EFL1: variants seen among roughly 807,000 people sequenced by gnomAD.
EFL1 encodes the protein elongation factor like GTPase 1.
Under a neutral mutation model 126.7 loss-of-function variants are expected in EFL1, and 76 were observed. The observed-to-expected ratio is 0.60, with a 90% CI of 0.50 to 0.73. The LOEUF (loss-of-function observed/expected upper bound fraction) is 0.73. Among genes scored for constraint, EFL1 ranks in the 30% least tolerant of loss-of-function variants. EFL1 has a pLI of 0.00. For missense variants in EFL1, 1,128 were observed against 1,343.2 expected, an observed-to-expected ratio of 0.84 and a Z score of 2.50; for synonymous variants, 410 against 448.4, an observed-to-expected ratio of 0.91 and a Z score of 1.08.
chr15:82,180,373 CAA>C (rs200867541), intron 15 of EFL1, among the ~76,000 whole-genome samples: 7 of 94,026 alleles, frequency 7.4e-5, no homozygotes, highest in Admixed American at 1.1e-4. Context: ...AAAAAAAAAA[CAA>C]AAAAAAAACA....
chr15:82,202,523 T>C (rs931788151), intron 15 of EFL1, among the ~76,000 whole-genome samples: 1 of 152,180 alleles, frequency 6.6e-6, no homozygotes, highest in African/African-American at 2.4e-5. Flanking sequence ...TGAAATGAAA[T>C]AATGTGCATC....
In EFL1 at chr15:82,225,224, A is replaced by G. The variant is rs2651721; in HGVS notation, c.1233T>C (p.Ile411=). ...CTGCAAACATTTTGGAAACAAATAT[A>G]ATAACTGGAGCAGTGTCCTCACTTC... The part of the protein sequence containing the change: ...KCGSEDTAPV[I]IFVSKMFAVD... The change falls in exon 12 of 20, where the codon ATT becomes ATC. Residue 411 remains isoleucine, a synonymous_variant. Coordinates refer to ENST00000268206, the MANE Select transcript of EFL1 (RefSeq NM_024580.6). 6 of 1,612,974 alleles carry G rather than the reference A, an allele frequency of 3.7e-6. No homozygotes were observed. In the East Asian group the frequency reaches 1.3e-4, roughly 36 times the overall value.
At chr15:82,192,511 G>A (rs575515709) in intron 15 of EFL1, among the ~76,000 whole-genome samples, 1 of 152,210 alleles carries the variant, frequency 6.6e-6, no homozygotes, top group Admixed American at 6.5e-5. Flanking sequence ...AGATTTAGCA[G>A]TGACAAAAAT....
At chr15:82,180,214 T>C (rs2074235214) in intron 15 of EFL1, among the ~76,000 whole-genome samples, 1 of 152,138 alleles carries the variant, frequency 6.6e-6, no homozygotes, top group Non-Finnish European at 1.5e-5. Context: ...CTACTCACTA[T>C]GGCCTTACTG....
At chr15:82,238,881 C>T (rs1444766307) in intron 6 of EFL1, among the ~76,000 whole-genome samples, 1 of 152,144 alleles carries the variant, frequency 6.6e-6, no homozygotes, top group African/African-American at 2.4e-5. Context: ...AGTCCACTGC[C>T]TTGCCCATCT....
Position 82,152,337 on chromosome 15 carries a change from T to C in EFL1, c.2117A>G (p.Asn706Ser), listed in dbSNP as rs778908909. 45 of 1,613,928 alleles carry C rather than the reference T, an allele frequency of 2.8e-5. No homozygotes were observed. The highest frequency in any genetic ancestry group is 6.6e-5 in the South Asian group (6 of 91,092). ...ITKPPKVDMV[N>S]EEIGKQQKVA... ...TTTTTGCTGTTTGCCTATTTCTTCA[T>C]TGACCATGTCAACTTTTGGGGGTTT... The change falls in exon 18 of 20, where the codon AAT becomes AGT. Residue 706 changes from asparagine (N) to serine (S), a missense_variant. Physicochemically the swap from Asn to Ser is conservative, Grantham distance 46 (BLOSUM62 1). Transcript: ENST00000268206.
At chr15:82,209,983 T>C (rs1166554476) in intron 15 of EFL1, among the ~76,000 whole-genome samples, 1 of 152,244 alleles carries the variant, frequency 6.6e-6, no homozygotes, top group Admixed American at 6.5e-5. Flanking sequence ...CTCCGTATCA[T>C]TTATGATGAA....
At chr15:82,261,399 T>G (rs1047298370) in intron 2 of EFL1, among the ~76,000 whole-genome samples, 1 of 152,244 alleles carries the variant, frequency 6.6e-6, no homozygotes, top group Non-Finnish European at 1.5e-5. Flanking sequence ...ATGTCAAGAC[T>G]ACAGACATTT....
At chr15:82,236,518 A>G (rs1342808950) in intron 7 of EFL1, among the ~76,000 whole-genome samples, 1 of 152,226 alleles carries the variant, frequency 6.6e-6, no homozygotes, top group South Asian at 2.1e-4. Context: ...GACCCACACA[A>G]GTATGTCCAA....
intron 15 of EFL1, among the ~76,000 whole-genome samples, chr15:82,183,960 T>TCCC (rs1297134932): frequency 2.0e-5 from 3 of 152,204 alleles, no homozygotes; most frequent in Non-Finnish European, 2.9e-5. Context: ...GGTCATGCCT[T>TCCC]CATGCCTGTG....
intron 2 of EFL1, among the ~76,000 whole-genome samples, chr15:82,261,414 T>C (rs190011167): frequency 5.9e-5 from 9 of 152,362 alleles, no homozygotes; most frequent in Admixed American, 1.3e-4. Flanking sequence ...ACATTTTATA[T>C]GTAAAGCCAT....
intron 15 of EFL1, among the ~76,000 whole-genome samples, chr15:82,186,801 A>G (rs2074308309): frequency 1.3e-5 from 2 of 152,040 alleles, no homozygotes; most frequent in South Asian, 4.1e-4. Flanking sequence ...ATCTGTTTCT[A>G]GTCTAGAACC....
chr15:82,147,220 A>G (rs142976184), intron 18 of EFL1, among the ~76,000 whole-genome samples: 36 of 152,298 alleles, frequency 2.4e-4, no homozygotes, highest in African/African-American at 8.2e-4. Context: ...ATAATGTAGA[A>G]GAGATGGCAA....
intron 15 of EFL1, among the ~76,000 whole-genome samples, chr15:82,208,753 A>C (rs1251637722): frequency 6.6e-6 from 1 of 152,112 alleles, no homozygotes; most frequent in East Asian, 1.9e-4. Context: ...AGATGCTAAG[A>C]ATGCATCAAT....
chr15:82,187,283 G>A (rs964701902), intron 15 of EFL1, among the ~76,000 whole-genome samples: 2 of 152,170 alleles, frequency 1.3e-5, no homozygotes, highest in African/African-American at 2.4e-5. Context: ...TAAAATAGGC[G>A]TAATTTATCC....
chr15:82,156,796 C>A (rs948205379), intron 17 of EFL1, among the ~76,000 whole-genome samples: 1 of 152,002 alleles, frequency 6.6e-6, no homozygotes, highest in Non-Finnish European at 1.5e-5. Context: ...GAAGGAAGGC[C>A]ATTACAGGGC....
chr15:82,255,839 C>G (rs962704864), intron 3 of EFL1, among the ~76,000 whole-genome samples: 5 of 152,206 alleles, frequency 3.3e-5, no homozygotes, highest in African/African-American at 1.2e-4. Flanking sequence ...AACACATCAA[C>G]ACATTGATAA....
intron 15 of EFL1, among the ~76,000 whole-genome samples, chr15:82,177,473 C>A (rs1216045800): frequency 6.6e-6 from 1 of 152,192 alleles, no homozygotes; most frequent in East Asian, 1.9e-4. Context: ...CTGGCCAGGT[C>A]TGTCCTCAAC....
At chr15:82,241,912 T>C (rs2074935017) in intron 4 of EFL1, among the ~76,000 whole-genome samples, 2 of 152,216 alleles carry the variant, frequency 1.3e-5, no homozygotes. Flanking sequence ...CTACAAAAAC[T>C]TAAGGAGCAG....
Sources: allele counts gnomAD v4.1 joint callset (sites outside exome capture counted in the v4.1 genomes callset), GRCh38; gene constraint gnomAD v4.1.1; transcripts MANE v1.5; gene names NCBI Gene and HGNC (gene_info 2026-07-23, HGNC 2026-07-21).